FHIT: variants seen among roughly 807,000 people sequenced by gnomAD.
The protein encoded by FHIT is fragile histidine triad diadenosine triphosphatase.
FHIT carries 19 observed loss-of-function variants against 17.9 expected under a neutral mutation model. The observed-to-expected ratio is 1.06, with a 90% CI of 0.74 to 1.56. The LOEUF is 1.56. FHIT is among the 40% of genes most tolerant of loss of function. The pLI is 0.00. For synonymous variants in FHIT, 81 were observed against 69.7 expected (o/e 1.16, Z -0.81); for missense variants, 248 against 189.2 (o/e 1.31, Z -1.82).
At chr3:60,237,917 C>T (rs1704893267) in intron 5 of FHIT, among the ~76,000 whole-genome samples, 1 of 151,914 alleles carries the variant, frequency 6.6e-6, no homozygotes, top group Non-Finnish European at 1.5e-5. Flanking sequence ...GGGTGGATCA[C>T]CTGAGGTCAG....
At chr3:60,290,654 AT>A (rs1707939931) in intron 5 of FHIT, among the ~76,000 whole-genome samples, 2 of 152,048 alleles carry the variant, frequency 1.3e-5, no homozygotes, top group South Asian at 4.1e-4. Context: ...ATATGAAACC[AT>A]TTTTTTCTAG....
At chr3:60,928,703 C>G (rs1707788066) in intron 3 of FHIT, among the ~76,000 whole-genome samples, 1 of 152,020 alleles carries the variant, frequency 6.6e-6, no homozygotes, top group Non-Finnish European at 1.5e-5. Context: ...ATAACAGGCT[C>G]TGAAATTGAG....
chr3:61,173,168 G>A (rs1429316194), intron 2 of FHIT, among the ~76,000 whole-genome samples: 1 of 152,004 alleles, frequency 6.6e-6, no homozygotes, highest in African/African-American at 2.4e-5. Context: ...AAATACATGT[G>A]CAGCTAGATG....
At chr3:60,107,011 C>T (rs1704447773) in intron 5 of FHIT, among the ~76,000 whole-genome samples, 1 of 152,016 alleles carries the variant, frequency 6.6e-6, no homozygotes, top group Admixed American at 6.5e-5. Context: ...AGTGATAGTT[C>T]ACGGTGGTTT....
chr3:59,910,301 C>CT (rs1322410321), intron 8 of FHIT, among the ~76,000 whole-genome samples: 1 of 152,192 alleles, frequency 6.6e-6, no homozygotes, highest in African/African-American at 2.4e-5. Context: ...TTGCATTCTT[C>CT]TGAGTTTCTG....
chr3:60,905,452 T>C (rs1445598030), intron 3 of FHIT, among the ~76,000 whole-genome samples: 1 of 152,190 alleles, frequency 6.6e-6, no homozygotes, highest in African/African-American at 2.4e-5. Flanking sequence ...TCTATATATT[T>C]ACTTACCAGC....
intron 3 of FHIT, among the ~76,000 whole-genome samples, chr3:60,890,073 T>C (rs1341299462): frequency 1.3e-5 from 2 of 152,140 alleles, no homozygotes; most frequent in Non-Finnish European, 2.9e-5. Flanking sequence ...TTTTTAATAA[T>C]GTACTCTCCT....
rs1000200408 is a variant in FHIT, at chr3:60,710,500, G to A, written c.-18+111419C>T. ...CTCACTCGGGAAGCGCAAGGGATCA[G>A]GGAGTTCCCTTTCCTGCTCAAGGAA... On this transcript the variant is annotated intron_variant, in intron 4 of 9. Coordinates refer to ENST00000492590, the MANE Select transcript of FHIT (RefSeq NM_002012.4). 2.0e-5 allele frequency among the ~76,000 whole-genome samples: 3 copies of A among 152,238 alleles called. No homozygotes were observed. In the South Asian group the frequency reaches 6.2e-4, roughly 32 times the overall value.
At chr3:60,724,663 T>A (rs537802225) in intron 4 of FHIT, among the ~76,000 whole-genome samples, 1 of 149,552 alleles carries the variant, frequency 6.7e-6, no homozygotes, top group East Asian at 1.9e-4. Flanking sequence ...TTTTTTTGTT[T>A]TTTTTTTTTT....
chr3:60,350,264 G>T lies in FHIT; in HGVS notation c.103+186596C>A, dbSNP rs150015580. On this transcript the variant is annotated intron_variant, in intron 5 of 9. Coordinates refer to ENST00000492590, the MANE Select transcript of FHIT (RefSeq NM_002012.4). ...ATAGTAAGCAAGCAGGGAAAACTTG[G>T]TAATAGTGTACATGTGTACTTGGCT... 1.4e-4 allele frequency among the ~76,000 whole-genome samples: 22 copies of T among 152,174 alleles called. No homozygotes were observed. In the East Asian group the frequency reaches 3.9e-3, roughly 27 times the overall value.
At chr3:59,911,692 T>C (rs992467171) in intron 8 of FHIT, among the ~76,000 whole-genome samples, 1 of 152,200 alleles carries the variant, frequency 6.6e-6, no homozygotes, top group Non-Finnish European at 1.5e-5. Context: ...TGAACTACTA[T>C]TGTAATAACT....
rs576657361 is a variant in FHIT at position 60,145,366 on chromosome 3, C to A, written c.104-131214G>T. Among the ~76,000 whole-genome samples the A allele has an allele frequency of 3.3e-5, 5 of 152,268 alleles. 1 individual carries two copies. The highest frequency in any genetic ancestry group is 1.2e-4 in the African/African-American group (5 of 41,574). On this transcript the variant is annotated intron_variant, in intron 5 of 9. Transcript: ENST00000492590. ...CCACTTGGGCTTGTACATTATTCTA[C>A]TGATTTTCTACAGTGGCGTGGGGGG...
chr3:60,480,408 C>T (rs755677402), intron 5 of FHIT, among the ~76,000 whole-genome samples: 9 of 152,198 alleles, frequency 5.9e-5, no homozygotes, highest in Non-Finnish European at 1.2e-4. Context: ...GGCAATCATG[C>T]CTTCCCAACA....
chr3:60,224,184 C>A (rs932612046), intron 5 of FHIT, among the ~76,000 whole-genome samples: 1 of 152,084 alleles, frequency 6.6e-6, no homozygotes, highest in Non-Finnish European at 1.5e-5. Context: ...CCGATTTTAT[C>A]CCCCTTCCGC....
intron 5 of FHIT, among the ~76,000 whole-genome samples, chr3:60,496,308 A>G (rs996812673): frequency 6.6e-6 from 1 of 152,144 alleles, no homozygotes; most frequent in Admixed American, 6.6e-5. Flanking sequence ...ATTATTGCAA[A>G]AGAAAACAAT....
chr3:60,337,281 T>C (rs1710291601), intron 5 of FHIT, among the ~76,000 whole-genome samples: 1 of 152,138 alleles, frequency 6.6e-6, no homozygotes, highest in East Asian at 1.9e-4. Flanking sequence ...CATGAAGTTC[T>C]ATCAGGGAGT....
intron 5 of FHIT, among the ~76,000 whole-genome samples, chr3:60,197,177 C>T (rs1449323683): frequency 6.6e-6 from 1 of 152,038 alleles, no homozygotes; most frequent in South Asian, 2.1e-4. Context: ...TTCATAAATG[C>T]CACAGCTTGG....
At chr3:60,420,271 C>T (rs755155975) in intron 5 of FHIT, among the ~76,000 whole-genome samples, 30 of 152,126 alleles carry the variant, frequency 2.0e-4, no homozygotes, top group Non-Finnish European at 3.8e-4. Flanking sequence ...AGCAGATATA[C>T]ATTCTAATTC....
At chr3:60,079,989 T>A (rs1471285603) in intron 5 of FHIT, among the ~76,000 whole-genome samples, 2 of 152,214 alleles carry the variant, frequency 1.3e-5, no homozygotes, top group African/African-American at 2.4e-5. Context: ...TATCATTTAC[T>A]GTCATTACTT....
Sources: allele counts gnomAD v4.1 joint callset (sites outside exome capture counted in the v4.1 genomes callset), GRCh38; gene constraint gnomAD v4.1.1; transcripts MANE v1.5; gene names NCBI Gene and HGNC (gene_info 2026-07-23, HGNC 2026-07-21).